The following CNTNAP2 variants were observed in gnomAD, a reference collection of about 807,000 sequenced individuals.
The protein encoded by CNTNAP2 is contactin-associated protein-like 2.
Under a neutral mutation model 155.2 loss-of-function variants are expected in CNTNAP2, and 98 were observed. The ratio of observed to expected loss-of-function variants is 0.63; its 90% CI spans 0.54 to 0.75. The LOEUF (loss-of-function observed/expected upper bound fraction) is 0.75, where lower values mean the gene tolerates loss of function less well. Among genes scored for constraint, CNTNAP2 ranks in the 30% least tolerant of loss-of-function variants. The pLI is 0.00. For missense variants in CNTNAP2, 1,727 were observed against 1,688.1 expected, an observed-to-expected ratio of 1.02 and a Z score of -0.40; for synonymous variants, 651 against 631.2, an observed-to-expected ratio of 1.03 and a Z score of -0.47.
intron 1 of CNTNAP2, among the ~76,000 whole-genome samples, chr7:146,347,276 C>A (rs1794834093): frequency 6.6e-6 from 1 of 151,742 alleles, no homozygotes; most frequent in Non-Finnish European, 1.5e-5. Context: ...AATGTTCAGG[C>A]AGAGATTGAG....
At chr7:147,083,565 C>CACATATATATGT in intron 4 of CNTNAP2, among the ~76,000 whole-genome samples, 1 of 139,006 alleles carries the variant, frequency 7.2e-6, no homozygotes, top group South Asian at 2.2e-4. Flanking sequence ...TATATATATA[C>CACATATATATGT]ACATATATAT....
At chr7:146,587,830 A>C (rs1798717940) in intron 1 of CNTNAP2, among the ~76,000 whole-genome samples, 1 of 151,968 alleles carries the variant, frequency 6.6e-6, no homozygotes. Flanking sequence ...GCACGCCACC[A>C]TGCCTGGCTA....
In CNTNAP2 at chr7:146,182,760, G is replaced by A. The variant is rs116940002; in HGVS notation, c.97+65787G>A. ...TCTGTTTGACTTCGTAGGCACTCAC[G>A]TCTGATCCAGCCTCACACATCGAAC... On this transcript the variant is annotated intron_variant, in intron 1 of 23. Transcript: ENST00000361727. Among the ~76,000 whole-genome samples, 630 of 152,200 alleles carry A rather than the reference G, an allele frequency of 4.1e-3. 2 individuals are homozygous for A. Among genetic ancestry groups the A allele is most frequent in the Middle Eastern group, 6.8e-3 (2 of 294 alleles).
chr7:148,151,066 A>G (rs1012592374), intron 17 of CNTNAP2, among the ~76,000 whole-genome samples: 3 of 152,096 alleles, frequency 2.0e-5, no homozygotes, highest in Non-Finnish European at 4.4e-5. Context: ...TAATGATTGA[A>G]CAATACCAGG....
At chr7:147,792,571 G>C (rs892835341) in intron 13 of CNTNAP2, among the ~76,000 whole-genome samples, 2 of 151,746 alleles carry the variant, frequency 1.3e-5, no homozygotes, top group Non-Finnish European at 2.9e-5. Context: ...ATATCTCATT[G>C]TATGACTATG....
intron 12 of CNTNAP2, among the ~76,000 whole-genome samples, chr7:147,604,214 T>C (rs1801013925): frequency 6.6e-6 from 1 of 151,472 alleles, no homozygotes; most frequent in East Asian, 1.9e-4. Context: ...AAAGCCAAAA[T>C]TGACAAATGG....
At position 146,602,080 on chromosome 7, in the gene CNTNAP2, A is replaced by C. The variant is rs557287352; in HGVS notation, c.98-172191A>C. On this transcript the variant is annotated intron_variant, in intron 1 of 23. Transcript: ENST00000361727. ...AATGCAGAAAATGGTATCAAAATTG[A>C]CTTGAGTTAAATAATCAATTTGAAG... Among the ~76,000 whole-genome samples, 19 of 152,318 alleles carry C rather than the reference A, an allele frequency of 1.2e-4. No individual in the cohort carries two copies. The South Asian group carries it at 3.5e-3, about 28-fold the overall frequency.
At chr7:146,393,734 C>T (rs1455408624) in intron 1 of CNTNAP2, among the ~76,000 whole-genome samples, 1 of 148,584 alleles carries the variant, frequency 6.7e-6, no homozygotes, top group African/African-American at 2.6e-5. Flanking sequence ...CAGGCAATGC[C>T]ATTTAATCAT....
chr7:148,134,147 C>T (rs979510956), intron 16 of CNTNAP2, among the ~76,000 whole-genome samples: 1 of 152,124 alleles, frequency 6.6e-6, no homozygotes, highest in African/African-American at 2.4e-5. Flanking sequence ...CTTGCCTTTG[C>T]GGATGGTGTT....
At chr7:147,598,447 C>G (rs190510755) in intron 12 of CNTNAP2, among the ~76,000 whole-genome samples, 1 of 152,092 alleles carries the variant, frequency 6.6e-6, no homozygotes, top group African/African-American at 2.4e-5. Flanking sequence ...GTTTTCTGTT[C>G]CTGTGTTAGT....
intron 1 of CNTNAP2, among the ~76,000 whole-genome samples, chr7:146,119,606 G>A (rs2116715560): frequency 6.6e-6 from 1 of 152,202 alleles, no homozygotes; most frequent in African/African-American, 2.4e-5. Flanking sequence ...TTAGGGAGTT[G>A]CATTTATTTG....
At chr7:147,711,393 A>C (rs1796398217) in intron 13 of CNTNAP2, among the ~76,000 whole-genome samples, 1 of 152,194 alleles carries the variant, frequency 6.6e-6, no homozygotes, top group Non-Finnish European at 1.5e-5. Flanking sequence ...CAAAGTAAGG[A>C]TCTAAAATTG....
intron 10 of CNTNAP2, among the ~76,000 whole-genome samples, chr7:147,458,441 TTCTC>T (rs1457685532): frequency 6.6e-6 from 1 of 152,162 alleles, no homozygotes; most frequent in African/African-American, 2.4e-5. Context: ...TTCATGTTGC[TTCTC>T]TCTAACTTAT....
intron 15 of CNTNAP2, among the ~76,000 whole-genome samples, chr7:148,022,955 C>T (rs1009952507): frequency 6.6e-6 from 1 of 152,074 alleles, no homozygotes; most frequent in Non-Finnish European, 1.5e-5. Context: ...TGTACAGCAC[C>T]GTTAAATATC....
chr7:146,506,408 A>G (rs78755471), intron 1 of CNTNAP2, among the ~76,000 whole-genome samples: 10,024 of 152,196 alleles, frequency 0.066, 820 homozygotes, highest in African/African-American at 0.19. Context: ...AGACCATAGC[A>G]CTTATTGACC....
At chr7:148,389,242 G>C (rs58945521) in intron 22 of CNTNAP2, among the ~76,000 whole-genome samples, 17,001 of 152,140 alleles carry the variant, frequency 0.11, 1,840 homozygotes, top group African/African-American at 0.28. Context: ...CCCATGTGTT[G>C]TGGGAGGGAC....
At chr7:148,079,201 C>T (rs1247930463) in intron 15 of CNTNAP2, among the ~76,000 whole-genome samples, 4 of 152,146 alleles carry the variant, frequency 2.6e-5, no homozygotes, top group Admixed American at 6.5e-5. Context: ...CCAAGGTGGT[C>T]GGGCTACAGC....
At position 146,593,722 on chromosome 7, in the gene CNTNAP2, C is replaced by G. The variant is rs150676118; in HGVS notation, c.98-180549C>G. Reference sequence around the variant, plus strand: ...TTTCTCATTTGCAATGCTCATCCCTCCTTATTTCTCCTTTGAAGTTTTATT... The same window carrying G: ...TTTCTCATTTGCAATGCTCATCCCTGCTTATTTCTCCTTTGAAGTTTTATT... On this transcript the variant is annotated intron_variant, in intron 1 of 23. Coordinates refer to ENST00000361727, the MANE Select transcript of CNTNAP2 (RefSeq NM_014141.6). Among the ~76,000 whole-genome samples, 217 of 152,240 alleles carry G rather than the reference C, an allele frequency of 1.4e-3. 1 individual carries two copies. Among genetic ancestry groups the G allele is most frequent in the Non-Finnish European group, 1.6e-3 (107 of 68,014 alleles).
At chr7:147,179,264 G>A (rs907036376) in intron 8 of CNTNAP2, among the ~76,000 whole-genome samples, 1 of 152,132 alleles carries the variant, frequency 6.6e-6, no homozygotes, top group Non-Finnish European at 1.5e-5. Context: ...AAGACTAGAA[G>A]CTTAGTTGGA....
Sources: gnomAD v4.1 joint callset for allele counts (sites outside exome capture counted in the v4.1 genomes callset) on GRCh38, gnomAD v4.1.1 for gene constraint, MANE v1.5 for transcripts, NCBI Gene and HGNC (gene_info 2026-07-23, HGNC 2026-07-21) for gene names.